Variants in EBF2 observed in about 807,000 individuals in gnomAD.
EBF2 encodes the protein transcription factor COE2.
Under a neutral mutation model 72.8 loss-of-function variants are expected in EBF2, and 21 were observed. The ratio of observed to expected loss-of-function variants is 0.29; its 90% CI spans 0.20 to 0.42. The LOEUF (loss-of-function observed/expected upper bound fraction) is 0.42, where lower values mean the gene tolerates loss of function less well. Among genes scored for constraint, EBF2 ranks in the 10% least tolerant of loss-of-function variants. EBF2 has a pLI of 1.00. For missense variants in EBF2, 637 were observed against 731.2 expected, an observed-to-expected ratio of 0.87 and a Z score of 1.49; for synonymous variants, 299 against 274.2, an observed-to-expected ratio of 1.09 and a Z score of -0.89.
At chr8:26,023,813 T>C (rs1349870695) in intron 6 of EBF2, among the ~76,000 whole-genome samples, 1 of 151,842 alleles carries the variant, frequency 6.6e-6, no homozygotes. Context: ...TGTGAAGAGG[T>C]GAGAAAAAAG....
chr8:25,938,851 T>C (rs1803623378), intron 6 of EBF2, among the ~76,000 whole-genome samples: 2 of 152,078 alleles, frequency 1.3e-5, no homozygotes, highest in African/African-American at 4.8e-5. Flanking sequence ...CAGGGGTTCC[T>C]AAGTCACCTG....
chr8:26,042,139 C>T lies in EBF2; in HGVS notation c.244G>A (p.Glu82Lys), dbSNP rs1805612015. 3 of 1,612,894 alleles carry T rather than the reference C, an allele frequency of 1.9e-6. No homozygotes were observed. The South Asian group carries it at 3.3e-5, about 18-fold the overall frequency. Residue 82 changes from glutamate to lysine, a missense_variant, in exon 2 of 16, where the codon GAG (glutamate) becomes AAG (lysine). By Grantham distance (56) the Glu-to-Lys change is moderately conservative. Coordinates refer to ENST00000520164, the MANE Select transcript of EBF2 (RefSeq NM_022659.4). ...ALYDRQGQPVEIERTAFVDFV... is the reference protein window; with the variant it reads ...ALYDRQGQPVKIERTAFVDFV... ...TCCACGAAGGCCGTCCGCTCGATCTCCACCGGCTGGCCCTGCCTGTCATAG... is the reference window on the plus strand; with the variant it reads ...TCCACGAAGGCCGTCCGCTCGATCTTCACCGGCTGGCCCTGCCTGTCATAG...
intron 6 of EBF2, among the ~76,000 whole-genome samples, chr8:26,010,362 G>A (rs1053771881): frequency 6.6e-6 from 1 of 152,206 alleles, no homozygotes. Context: ...CCATCAGGGC[G>A]AACCACTGCT....
At chr8:25,978,832 A>T (rs1440876886) in intron 6 of EBF2, among the ~76,000 whole-genome samples, 1 of 152,206 alleles carries the variant, frequency 6.6e-6, no homozygotes, top group Non-Finnish European at 1.5e-5. Context: ...TCCATGCGGT[A>T]ATGAAAGCTT....
intron 6 of EBF2, among the ~76,000 whole-genome samples, chr8:25,942,490 C>T (rs920654395): frequency 6.6e-6 from 1 of 152,190 alleles, no homozygotes; most frequent in Non-Finnish European, 1.5e-5. Context: ...AGTAAATGGA[C>T]ACAATGTCCC....
intron 7 of EBF2, among the ~76,000 whole-genome samples, chr8:25,906,354 C>T (rs1803030896): frequency 6.6e-6 from 1 of 152,156 alleles, no homozygotes; most frequent in African/African-American, 2.4e-5. Flanking sequence ...TTTTACTCTT[C>T]TTTGGACTGA....
chr8:26,003,612 A>G (rs1804778211), intron 6 of EBF2, among the ~76,000 whole-genome samples: 3 of 152,042 alleles, frequency 2.0e-5, no homozygotes, highest in Non-Finnish European at 4.4e-5. Context: ...TTGAAATCTG[A>G]TGCCCTAAGA....
At chr8:25,919,129 G>T (rs961484322) in intron 6 of EBF2, among the ~76,000 whole-genome samples, 20 of 152,254 alleles carry the variant, frequency 1.3e-4, no homozygotes, top group Non-Finnish European at 2.9e-4. Flanking sequence ...TCAAAGAAAA[G>T]TATGCATCTG....
intron 6 of EBF2, among the ~76,000 whole-genome samples, chr8:26,006,074 G>A (rs2117228172): frequency 6.6e-6 from 1 of 152,244 alleles, no homozygotes; most frequent in East Asian, 1.9e-4. Flanking sequence ...AGAGACAAAT[G>A]CAGAGTGGGA....
At chr8:25,979,995 GA>G (rs1047713766) in intron 6 of EBF2, among the ~76,000 whole-genome samples, 1 of 149,642 alleles carries the variant, frequency 6.7e-6, no homozygotes, top group Non-Finnish European at 1.5e-5. Flanking sequence ...AAATGAAAAG[GA>G]AAAAAAAAGC....
chr8:26,028,730 A>C (rs1805345145), intron 6 of EBF2, among the ~76,000 whole-genome samples: 1 of 152,250 alleles, frequency 6.6e-6, no homozygotes, highest in Non-Finnish European at 1.5e-5. Context: ...AATCCATTTG[A>C]GCCTTTTATT....
chr8:25,951,563 C>G (rs1803862299), intron 6 of EBF2, among the ~76,000 whole-genome samples: 1 of 152,272 alleles, frequency 6.6e-6, no homozygotes, highest in African/African-American at 2.4e-5. Flanking sequence ...AGTGCTCCAA[C>G]CCTTTTAGAC....
intron 6 of EBF2, among the ~76,000 whole-genome samples, chr8:25,909,558 A>G (rs117854371): frequency 6.6e-6 from 1 of 152,228 alleles, no homozygotes; most frequent in Non-Finnish European, 1.5e-5. Flanking sequence ...ACTTTAAAGG[A>G]AAAGATATAC....
Position 25,861,099 on chromosome 8 carries a change from C to A in EBF2, c.1292G>T (p.Gly431Val), listed in dbSNP as rs991341257. Reference sequence around the variant, plus strand: ...TGAGATGCTGACCCCAAGCTGGCTGCCATAGGAGTTGATTCCCATCATGCC... The same window carrying A: ...TGAGATGCTGACCCCAAGCTGGCTGACATAGGAGTTGATTCCCATCATGCC... ...HSGMMGINSY[G>V]SQLGVSISES... is the part of the protein sequence containing the mutation. The change falls in exon 13 of 16, where the codon GGC (glycine) becomes GTC (valine). Residue 431 changes from glycine (G) to valine (V), a missense_variant. Coordinates refer to ENST00000520164, the MANE Select transcript of EBF2 (RefSeq NM_022659.4). 2 of 1,614,000 alleles carry A rather than the reference C, an allele frequency of 1.2e-6. No individual in the cohort carries two copies. Among genetic ancestry groups the A allele is most frequent in the Non-Finnish European group, 1.7e-6 (2 of 1,180,024 alleles).
intron 6 of EBF2, among the ~76,000 whole-genome samples, chr8:25,977,981 T>C (rs140934094): frequency 4.6e-5 from 7 of 152,266 alleles, no homozygotes; most frequent in Non-Finnish European, 1.0e-4. Flanking sequence ...AATTTTTTTT[T>C]CTTGACCCTA....
chr8:25,855,590 A>T (rs1443563682), intron 14 of EBF2, among the ~76,000 whole-genome samples: 1 of 152,180 alleles, frequency 6.6e-6, no homozygotes, highest in East Asian at 1.9e-4. Context: ...TTTTAAAAAA[A>T]ATCATAGAAT....
rs529748503 is a variant in EBF2 at position 26,024,248 on chromosome 8, G to C, written c.551+8837C>G. Among the ~76,000 whole-genome samples the C allele has an allele frequency of 6.6e-5, 10 of 152,232 alleles. No homozygotes were observed. The South Asian group carries it at 2.1e-3, about 32-fold the overall frequency. On this transcript the variant is annotated intron_variant, in intron 6 of 15. Transcript: ENST00000520164. Reference sequence around the variant, plus strand: ...CACCCCACCTATCTCTGCCATGATGGAAATTATCTCCGCACTTCAGATCTT... The same window carrying C: ...CACCCCACCTATCTCTGCCATGATGCAAATTATCTCCGCACTTCAGATCTT...
intron 15 of EBF2, among the ~76,000 whole-genome samples, chr8:25,846,951 G>A (rs968771165): frequency 2.6e-5 from 4 of 152,254 alleles, no homozygotes; most frequent in Admixed American, 2.6e-4. Context: ...GTGGAAAGTA[G>A]GTATGGGGGT....
At chr8:25,905,295 TAAAG>T (rs1803016400) in intron 7 of EBF2, among the ~76,000 whole-genome samples, 3 of 152,148 alleles carry the variant, frequency 2.0e-5, no homozygotes, top group African/African-American at 4.8e-5. Context: ...CTCAAAAACT[TAAAG>T]AAACAATTAC....
Sources: allele counts gnomAD v4.1 joint callset (sites outside exome capture counted in the v4.1 genomes callset), GRCh38; gene constraint gnomAD v4.1.1; transcripts MANE v1.5; gene names NCBI Gene and HGNC (gene_info 2026-07-23, HGNC 2026-07-21).